Variants in SPHKAP observed in about 807,000 individuals in gnomAD.
SPHKAP encodes A-kinase anchor protein SPHKAP.
Under a neutral mutation model 137.5 loss-of-function variants are expected in SPHKAP, and 67 were observed. That is an observed-to-expected ratio of 0.49 (90% CI 0.40 to 0.60). The LOEUF (loss-of-function observed/expected upper bound fraction) is 0.60. Ranked by LOEUF, SPHKAP falls within the 20% of genes least tolerant of loss-of-function variation. The probability of loss-of-function intolerance (pLI) is 0.00; values close to 1 mark genes in which losing one functional copy is unlikely to be tolerated. For synonymous variants in SPHKAP, 813 were observed against 785.3 expected, an observed-to-expected ratio of 1.04 and a Z score of -0.59; for missense variants, 2,097 against 2,069.3, an observed-to-expected ratio of 1.01 and a Z score of -0.26.
chr2:228,120,068 C>T (rs1698857501), intron 2 of SPHKAP, among the ~76,000 whole-genome samples: 1 of 152,000 alleles, frequency 6.6e-6, no homozygotes, highest in Admixed American at 6.6e-5. Flanking sequence ...CAAAATGATT[C>T]TCCGTTATCA....
chr2:228,031,272 G>A (rs1695303207), intron 3 of SPHKAP, among the ~76,000 whole-genome samples: 1 of 152,204 alleles, frequency 6.6e-6, no homozygotes, highest in Non-Finnish European at 1.5e-5. Flanking sequence ...CTGATTGCTA[G>A]CACAGCAGTC....
chr2:228,163,236 T>G (rs182298690), intron 1 of SPHKAP, among the ~76,000 whole-genome samples: 67 of 152,132 alleles, frequency 4.4e-4, no homozygotes, highest in African/African-American at 1.5e-3. Flanking sequence ...GGTTTTAGAT[T>G]TTTGCACTAC....
At chr2:228,076,970 C>G (rs1435736893) in intron 3 of SPHKAP, among the ~76,000 whole-genome samples, 1 of 152,112 alleles carries the variant, frequency 6.6e-6, no homozygotes, top group Non-Finnish European at 1.5e-5. Flanking sequence ...TATGTGCAGC[C>G]TAGAGTCTTG....
chr2:228,102,087 C>A (rs1330816508), intron 3 of SPHKAP, among the ~76,000 whole-genome samples: 1 of 152,124 alleles, frequency 6.6e-6, no homozygotes, highest in Non-Finnish European at 1.5e-5. Flanking sequence ...CTTTGATTAC[C>A]AGAGAAGCTT....
At chr2:228,085,211 C>T (rs994994808) in intron 3 of SPHKAP, among the ~76,000 whole-genome samples, 9 of 152,172 alleles carry the variant, frequency 5.9e-5, no homozygotes, top group African/African-American at 2.2e-4. Context: ...AGTAAAGTCA[C>T]TTGGGAATTT....
At chr2:228,121,084 CTT>C (rs1352023284) in intron 2 of SPHKAP, among the ~76,000 whole-genome samples, 8 of 152,182 alleles carry the variant, frequency 5.3e-5, no homozygotes, top group African/African-American at 1.9e-4. Context: ...CTTCCATTGA[CTT>C]TGGATTATTT....
intron 7 of SPHKAP, among the ~76,000 whole-genome samples, chr2:228,004,146 C>T (rs1694029828): frequency 6.6e-6 from 1 of 152,184 alleles, no homozygotes; most frequent in Admixed American, 6.5e-5. Flanking sequence ...GTACCAGCTC[C>T]TCCTTGTACC....
chr2:227,981,901 G>C, intron 11 of SPHKAP, 41 bp from the exon 12 acceptor site: 1 of 1,582,488 alleles, frequency 6.3e-7, no homozygotes. Context: ...GAGCACAGAG[G>C]GTCCTCAAAG....
intron 3 of SPHKAP, among the ~76,000 whole-genome samples, chr2:228,075,679 A>G (rs1396564414): frequency 1.3e-5 from 2 of 152,198 alleles, no homozygotes; most frequent in African/African-American, 2.4e-5. Context: ...AGAAAAAGCA[A>G]TGTTTCTCTC....
intron 3 of SPHKAP, among the ~76,000 whole-genome samples, chr2:228,100,435 A>T (rs1323799698): frequency 6.6e-6 from 1 of 152,116 alleles, no homozygotes; most frequent in Admixed American, 6.5e-5. Flanking sequence ...CTTAAGGGGA[A>T]TGCTTCCAGC....
intron 5 of SPHKAP, among the ~76,000 whole-genome samples, chr2:228,024,202 G>C (rs183896047): frequency 1.3e-5 from 2 of 152,086 alleles, no homozygotes; most frequent in East Asian, 3.9e-4. Flanking sequence ...GATTAATCAG[G>C]GTCTAGTAAG....
At chr2:228,006,212 C>G (rs542691557) in intron 7 of SPHKAP, among the ~76,000 whole-genome samples, 117 of 152,272 alleles carry the variant, frequency 7.7e-4, no homozygotes, top group African/African-American at 2.8e-3. Flanking sequence ...CACACAGTCC[C>G]ATATTTTTTG....
At chr2:228,091,379 C>T (rs185138378) in intron 3 of SPHKAP, among the ~76,000 whole-genome samples, 51 of 152,198 alleles carry the variant, frequency 3.4e-4, no homozygotes, top group African/African-American at 1.2e-3. Context: ...TGACCAACAA[C>T]CCAAAAGCAA....
chr2:228,083,588 T>C (rs1393410343), intron 3 of SPHKAP, among the ~76,000 whole-genome samples: 2 of 152,174 alleles, frequency 1.3e-5, no homozygotes, highest in Non-Finnish European at 2.9e-5. Flanking sequence ...ACTGAGTATA[T>C]ACCCAAAGGA....
At chr2:228,100,231 T>C (rs975912217) in intron 3 of SPHKAP, among the ~76,000 whole-genome samples, 1 of 152,208 alleles carries the variant, frequency 6.6e-6, no homozygotes, top group Non-Finnish European at 1.5e-5. Context: ...AGGAGCCTTT[T>C]TGTGGAGTCT....
rs781527837 is a variant in SPHKAP, at chr2:228,019,688, C to A, written c.1166G>T (p.Gly389Val). The change falls in exon 7 of 12, where the codon GGC becomes GTC. Residue 389 changes from glycine to valine, a missense_variant. Gly to Val is a moderately radical substitution (Grantham distance 109). Coordinates refer to ENST00000392056, the MANE Select transcript of SPHKAP (RefSeq NM_001142644.2). ...TTCTGCTAAATTTGTAGCATACTTG[C>A]CAGTGGTGACTTCTCCATCTTGTCT... ...PPRQDGEVTTGKYATNLAESV... is the reference protein window; with the variant it reads ...PPRQDGEVTTVKYATNLAESV... 2 of 1,614,158 alleles carry A rather than the reference C, an allele frequency of 1.2e-6. No individual in the cohort carries two copies. Among genetic ancestry groups the A allele is most frequent in the South Asian group, 1.1e-5 (1 of 91,082 alleles).
rs1216650164 is a variant in SPHKAP, at chr2:228,109,022, T to C, written c.139-83A>G. 6 of 923,132 alleles carry C rather than the reference T, an allele frequency of 6.5e-6. No individual in the cohort carries two copies. In the Admixed American group the frequency reaches 1.7e-4, roughly 25 times the overall value. The allele number at this position is 923,132 out of a possible 1,614,324, so 57.2% of individuals were successfully genotyped here. A position where few individuals can be genotyped will look rare whatever the true frequency, so the allele number is the denominator to read the frequency against. ...AGCTCTCTCTCTTTTTTTTTTTTCT[T>C]ATAAAAAAACCTGTAGGTGTTTTCT... On this transcript the variant is annotated intron_variant, in intron 2 of 11. Coordinates refer to ENST00000392056, the MANE Select transcript of SPHKAP (RefSeq NM_001142644.2).
chr2:228,078,087 C>A (rs1188906757), intron 3 of SPHKAP, among the ~76,000 whole-genome samples: 1 of 152,208 alleles, frequency 6.6e-6, no homozygotes, highest in Non-Finnish European at 1.5e-5. Flanking sequence ...TATGAGGCCT[C>A]TCCAGCCACT....
chr2:228,106,607 G>A (rs116429844), intron 3 of SPHKAP, among the ~76,000 whole-genome samples: 2,811 of 152,206 alleles, frequency 0.018, 89 homozygotes, highest in African/African-American at 0.064. Flanking sequence ...TGGAGAACTG[G>A]TTTTGAAAAG....
Sources: gnomAD v4.1 joint callset for allele counts (sites outside exome capture counted in the v4.1 genomes callset) on GRCh38, gnomAD v4.1.1 for gene constraint, MANE v1.5 for transcripts, NCBI Gene and HGNC (gene_info 2026-07-23, HGNC 2026-07-21) for gene names.